Variants in ADGRG6 observed in about 807,000 individuals in gnomAD.
The protein encoded by ADGRG6 is adhesion G protein-coupled receptor G6.
In ADGRG6, 84 loss-of-function variants were observed where a neutral mutation model predicts 142.4. The observed-to-expected ratio is 0.59, with a 90% CI of 0.49 to 0.71. ADGRG6 has a LOEUF of 0.71. Among genes scored for constraint, ADGRG6 ranks in the 30% least tolerant of loss-of-function variants. The pLI is 0.00. For missense variants in ADGRG6, 1,367 were observed against 1,466.6 expected, an observed-to-expected ratio of 0.93 and a Z score of 1.11; for synonymous variants, 521 against 520.5, an observed-to-expected ratio of 1.00 and a Z score of -0.01.
chr6:142,422,202 T>C (rs1014641656), intron 22 of ADGRG6, among the ~76,000 whole-genome samples: 7 of 152,044 alleles, frequency 4.6e-5, no homozygotes, highest in Non-Finnish European at 8.8e-5. Flanking sequence ...TTAGGGTACA[T>C]GTGCACATTG....
intron 2 of ADGRG6, among the ~76,000 whole-genome samples, chr6:142,354,451 C>T (rs1051368714): frequency 6.6e-6 from 1 of 152,134 alleles, no homozygotes; most frequent in Non-Finnish European, 1.5e-5. Context: ...CTCAGTTTGT[C>T]AGTTACACAT....
chr6:142,409,745 T>G, intron 16 of ADGRG6, 129 bp from the exon 17 acceptor site: 1 of 492,604 alleles, frequency 2.0e-6, no homozygotes, highest in East Asian at 3.3e-5. Flanking sequence ...GCCTACATTT[T>G]CAGGTTGAAT....
intron 4 of ADGRG6, among the ~76,000 whole-genome samples, chr6:142,378,448 C>T (rs1781600746): frequency 1.3e-5 from 2 of 152,044 alleles, no homozygotes; most frequent in South Asian, 2.1e-4. Context: ...TTTTAGTTTG[C>T]GGAAGTCCCT....
intron 2 of ADGRG6, among the ~76,000 whole-genome samples, chr6:142,343,304 C>T (rs1291925234): frequency 6.6e-6 from 1 of 151,348 alleles, no homozygotes; most frequent in Non-Finnish European, 1.5e-5. Flanking sequence ...CTAAAAAATT[C>T]AATAACCAAA....
intron 2 of ADGRG6, among the ~76,000 whole-genome samples, chr6:142,315,182 C>G (rs940821622): frequency 6.6e-6 from 1 of 152,040 alleles, no homozygotes; most frequent in Non-Finnish European, 1.5e-5. Context: ...GGGGACATAC[C>G]AACTCTGAGA....
At chr6:142,363,568 C>T (rs1408980645) in intron 2 of ADGRG6, among the ~76,000 whole-genome samples, 1 of 152,084 alleles carries the variant, frequency 6.6e-6, no homozygotes, top group Non-Finnish European at 1.5e-5. Flanking sequence ...GAAAACCTTG[C>T]TTTTATAATT....
At chr6:142,348,560 A>G (rs545392123) in intron 2 of ADGRG6, among the ~76,000 whole-genome samples, 4 of 152,186 alleles carry the variant, frequency 2.6e-5, no homozygotes, top group Non-Finnish European at 4.4e-5. Context: ...TTCAGTAACC[A>G]ACTTCTTCCA....
At chr6:142,314,365 G>A (rs1323750417) in intron 2 of ADGRG6, among the ~76,000 whole-genome samples, 1 of 152,188 alleles carries the variant, frequency 6.6e-6, no homozygotes, top group Non-Finnish European at 1.5e-5. Context: ...GATGTCAGGT[G>A]TCCTACTTTT....
chr6:142,363,921 T>A (rs1455972884), intron 2 of ADGRG6, among the ~76,000 whole-genome samples: 1 of 152,150 alleles, frequency 6.6e-6, no homozygotes, highest in African/African-American at 2.4e-5. Flanking sequence ...AAACTCTTTT[T>A]AAGAAATTGT....
intron 24 of ADGRG6, among the ~76,000 whole-genome samples, chr6:142,441,493 A>C (rs1261616628): frequency 1.3e-5 from 2 of 152,186 alleles, no homozygotes; most frequent in African/African-American, 4.8e-5. Context: ...TGTAATATCT[A>C]ACCAGAAGAC....
chr6:142,383,633 CTT>C (rs1184683897), intron 5 of ADGRG6, 125 bp from the exon 6 acceptor site: 11 of 611,856 alleles, frequency 1.8e-5, no homozygotes, highest in Non-Finnish European at 5.8e-6. Context: ...ACCTTGGAGT[CTT>C]TTGTATTTCA....
chr6:142,352,166 T>C (rs769609313), intron 2 of ADGRG6, among the ~76,000 whole-genome samples: 5 of 152,178 alleles, frequency 3.3e-5, no homozygotes, highest in Admixed American at 6.5e-5. Context: ...CCTGCACATG[T>C]ATGTTCATTG....
chr6:142,439,301 A>G (rs1192987982), intron 24 of ADGRG6, among the ~76,000 whole-genome samples: 1 of 152,246 alleles, frequency 6.6e-6, no homozygotes, highest in African/African-American at 2.4e-5. Flanking sequence ...CACTTTCCTA[A>G]TTAAAGATAA....
At chr6:142,394,963 C>T (rs2114988970) in intron 9 of ADGRG6, among the ~76,000 whole-genome samples, 1 of 152,164 alleles carries the variant, frequency 6.6e-6, no homozygotes, top group African/African-American at 2.4e-5. Context: ...TCTCAATAGA[C>T]TGAATTAAAT....
intron 2 of ADGRG6, among the ~76,000 whole-genome samples, chr6:142,349,655 A>C (rs1156501343): frequency 6.6e-6 from 1 of 152,180 alleles, no homozygotes; most frequent in Non-Finnish European, 1.5e-5. Flanking sequence ...TTATTGAATG[A>C]CTACATGATG....
At chr6:142,411,262 AC>A (rs774101015) in intron 17 of ADGRG6, 42 bp from the exon 18 acceptor site, 1 of 1,052,350 alleles carries the variant, frequency 9.5e-7, no homozygotes, top group Non-Finnish European at 1.5e-6. Flanking sequence ...TAGAGAAGAA[AC>A]TGACCTGCTG....
intron 4 of ADGRG6, among the ~76,000 whole-genome samples, chr6:142,371,745 A>G (rs1203848750): frequency 6.6e-6 from 1 of 152,090 alleles, no homozygotes; most frequent in African/African-American, 2.4e-5. Flanking sequence ...TTGGCCTCCC[A>G]AAATGTTAGG....
intron 2 of ADGRG6, among the ~76,000 whole-genome samples, chr6:142,327,416 C>T (rs1778830383): frequency 6.6e-6 from 1 of 152,130 alleles, no homozygotes; most frequent in Admixed American, 6.6e-5. Flanking sequence ...GTGTGAAAAT[C>T]AGCTGTAGCA....
chr6:142,369,953 C>T (rs1390882021), intron 3 of ADGRG6, among the ~76,000 whole-genome samples: 1 of 152,032 alleles, frequency 6.6e-6, no homozygotes, highest in East Asian at 1.9e-4. Flanking sequence ...CCAATCATGA[C>T]TAGAGATGAA....
Sources: allele counts gnomAD v4.1 joint callset (sites outside exome capture counted in the v4.1 genomes callset), GRCh38; gene constraint gnomAD v4.1.1; transcripts MANE v1.5; gene names NCBI Gene and HGNC (gene_info 2026-07-23, HGNC 2026-07-21).